YIPF4: variants seen among roughly 807,000 people sequenced by gnomAD.
YIPF4 encodes Yip1 domain family member 4.
In YIPF4, 18 loss-of-function variants were observed where a neutral mutation model predicts 29.4. The observed-to-expected ratio is 0.61, with a 90% CI of 0.42 to 0.91. The LOEUF (loss-of-function observed/expected upper bound fraction) is 0.91, where lower values mean the gene tolerates loss of function less well. YIPF4 is among the 40% of genes least tolerant of loss of function. YIPF4 has a pLI of 0.00. For synonymous variants in YIPF4, 115 were observed against 104.7 expected (o/e 1.10, Z -0.60); for missense variants, 279 against 282.7 (o/e 0.99, Z 0.09).
At chr2:32,299,764 T>C (rs1238018356) in intron 4 of YIPF4, among the ~76,000 whole-genome samples, 4 of 152,054 alleles carry the variant, frequency 2.6e-5, no homozygotes, top group Non-Finnish European at 5.9e-5. Context: ...GTGAGCTGTG[T>C]TCGTGCCACT....
chr2:32,298,450 A>G (rs890028843), intron 4 of YIPF4, 139 bp downstream of exon 4: 11 of 601,950 alleles, frequency 1.8e-5, no homozygotes, highest in Admixed American at 9.7e-5. Flanking sequence ...GATGATCAAC[A>G]TATTAGTATT....
intron 1 of YIPF4, among the ~76,000 whole-genome samples, chr2:32,280,719 T>G (rs2030369909): frequency 6.6e-6 from 1 of 152,076 alleles, no homozygotes; most frequent in South Asian, 2.1e-4. Flanking sequence ...CTAGGTTGCC[T>G]AGGCTTGTCT....
In YIPF4 at chr2:32,312,784, G is replaced by T. The variant is rs200261237; in HGVS notation, c.*7158G>T. The stretch of plus-strand genomic sequence containing the variant: ...GAGGCGGGTGGATCACGAGGTCAGG[G>T]GATCGAGACCATCCTGGCTAACACG... On this transcript the variant is annotated 3_prime_UTR_variant, in exon 6 of 6. Coordinates refer to ENST00000238831, the MANE Select transcript of YIPF4 (RefSeq NM_032312.4). 4 of 151,894 alleles carry T rather than the reference G, an allele frequency of 2.6e-5. No homozygotes were observed. The highest frequency in any genetic ancestry group is 9.7e-5 in the African/African-American group (4 of 41,394). The allele number at this position is 151,894 out of a possible 1,614,324, so 9.4% of individuals were successfully genotyped here.
intron 1 of YIPF4, among the ~76,000 whole-genome samples, chr2:32,278,978 C>CT (rs2030247083): frequency 6.8e-6 from 1 of 147,112 alleles, no homozygotes; most frequent in African/African-American, 2.6e-5. Context: ...TAGTCATTTT[C>CT]AATTTTTTTT....
chr2:32,285,216 G>A (rs1375382185), intron 1 of YIPF4, among the ~76,000 whole-genome samples: 1 of 152,136 alleles, frequency 6.6e-6, no homozygotes, highest in African/African-American at 2.4e-5. Context: ...TGCAAATAAA[G>A]CAAACTGTCA....
intron 1 of YIPF4, among the ~76,000 whole-genome samples, chr2:32,286,744 C>T (rs1260477439): frequency 6.6e-6 from 1 of 152,034 alleles, no homozygotes; most frequent in Non-Finnish European, 1.5e-5. Context: ...CAGGGTTTTA[C>T]CACGTTGGCC....
At chr2:32,299,540 G>A (rs1270059738) in intron 4 of YIPF4, among the ~76,000 whole-genome samples, 2 of 152,176 alleles carry the variant, frequency 1.3e-5, no homozygotes, top group Non-Finnish European at 2.9e-5. Flanking sequence ...AACTCAAGGG[G>A]GCTGGGCGCC....
chr2:32,283,652 C>G (rs1323061442), intron 1 of YIPF4, among the ~76,000 whole-genome samples: 5 of 152,106 alleles, frequency 3.3e-5, no homozygotes, highest in Non-Finnish European at 7.3e-5. Context: ...TATCATAGAA[C>G]CCATGGTATA....
In YIPF4 at chr2:32,316,560, A is replaced by C; in HGVS notation, c.*10934A>C. 1 of 152,224 alleles carries C rather than the reference A, an allele frequency of 6.6e-6. No individual in the cohort carries two copies. Among genetic ancestry groups the C allele is most frequent in the East Asian group, 1.9e-4 (1 of 5,200 alleles). The allele number at this position is 152,224 out of a possible 1,614,324, so 9.4% of individuals were successfully genotyped here. ...AATGGTAAATAGTATTATTGTAAGTACAACACTAAAATTAATAAATTGTGT... is the reference window on the plus strand; with the variant it reads ...AATGGTAAATAGTATTATTGTAAGTCCAACACTAAAATTAATAAATTGTGT... On this transcript the variant is annotated 3_prime_UTR_variant, in exon 6 of 6. Transcript: ENST00000238831.
chr2:32,279,539 AGGCGCCC>A (rs2148955953), intron 1 of YIPF4, among the ~76,000 whole-genome samples: 1 of 149,494 alleles, frequency 6.7e-6, no homozygotes, highest in South Asian at 2.1e-4. Context: ...CTGGGACTAC[AGGCGCCC>A]GCCACCACGC....
Position 32,301,424 on chromosome 2 carries a change from CT to C in YIPF4, c.528del (p.Pro177LeufsTer4). ...CCTTGGAGTTATAGGATATTCATTA[CT>C]TCCTCTCATTGTAATAGCCCCTGTA... is the stretch of plus-strand genomic sequence containing the variant. Reference protein sequence around the residue: ...QVLGVIGYSLLPLIVIAPVLL... With the variant: ...QVLGVIGYSLXPLIVIAPVLL... On this transcript the variant is annotated frameshift_variant, in exon 5 of 6. Coordinates refer to ENST00000238831, the MANE Select transcript of YIPF4 (RefSeq NM_032312.4). LOFTEE classifies it high-confidence loss of function. 6.2e-7 allele frequency: 1 copy of C among 1,613,774 alleles called. No individual in the cohort carries two copies. The highest frequency in any genetic ancestry group is 8.5e-7 in the Non-Finnish European group (1 of 1,179,836).
At chr2:32,293,325 A>G (rs567790904) in intron 3 of YIPF4, among the ~76,000 whole-genome samples, 3 of 152,288 alleles carry the variant, frequency 2.0e-5, no homozygotes, top group Admixed American at 6.5e-5. Context: ...GCATCTGTTT[A>G]ACAAAGCACA....
chr2:32,298,080 T>TA (rs2031262689), intron 3 of YIPF4, among the ~76,000 whole-genome samples, 154 bp from the exon 4 acceptor site: 1 of 152,186 alleles, frequency 6.6e-6, no homozygotes, highest in African/African-American at 2.4e-5. Flanking sequence ...GTATTCTTAT[T>TA]AAGTTTTGGA....
chr2:32,281,369 G>T (rs761653666), intron 1 of YIPF4, among the ~76,000 whole-genome samples: 6 of 152,054 alleles, frequency 3.9e-5, no homozygotes, highest in Middle Eastern at 3.4e-3. Context: ...AGCCTCCTGA[G>T]TAACTGGGAC....
At chr2:32,296,866 T>C (rs2031206934) in intron 3 of YIPF4, among the ~76,000 whole-genome samples, 1 of 152,234 alleles carries the variant, frequency 6.6e-6, no homozygotes, top group Non-Finnish European at 1.5e-5. Context: ...GCAGTAATTA[T>C]TACTATAATG....
chr2:32,311,295 C>A lies in YIPF4; in HGVS notation c.*5669C>A, dbSNP rs2031711048. 6.6e-6 allele frequency: 1 copy of A among 152,088 alleles called. No individual in the cohort carries two copies. The highest frequency in any genetic ancestry group is 1.5e-5 in the Non-Finnish European group (1 of 68,016). The allele number at this position is 152,088 out of a possible 1,614,324, so 9.4% of individuals were successfully genotyped here. Reference sequence around the variant, plus strand: ...TTAAAAAATGGTTAAGAGAATGTTCCCTATACAAGGCATATGTTATTAAAC... The same window carrying A: ...TTAAAAAATGGTTAAGAGAATGTTCACTATACAAGGCATATGTTATTAAAC... On this transcript the variant is annotated 3_prime_UTR_variant, in exon 6 of 6. Coordinates refer to ENST00000238831, the MANE Select transcript of YIPF4 (RefSeq NM_032312.4).
Position 32,312,542 on chromosome 2 carries a change from G to A in YIPF4, c.*6916G>A, listed in dbSNP as rs2148970631. On this transcript the variant is annotated 3_prime_UTR_variant, in exon 6 of 6. Coordinates refer to ENST00000238831, the MANE Select transcript of YIPF4 (RefSeq NM_032312.4). Reference sequence around the variant, plus strand: ...AAATTATTTTCAAAGGATTGTGCTAGTGGTGGCCTGAATAATAAAACATTG... The same window carrying A: ...AAATTATTTTCAAAGGATTGTGCTAATGGTGGCCTGAATAATAAAACATTG... 7.0e-6 allele frequency: 1 copy of A among 142,284 alleles called. No homozygotes were observed. Among genetic ancestry groups the A allele is most frequent in the South Asian group, 2.2e-4 (1 of 4,454 alleles). 8.8% of individuals were successfully genotyped at this position (142,284 alleles called of 1,614,324 possible). A position where few individuals can be genotyped will look rare whatever the true frequency, so the allele number is the denominator to read the frequency against.
Position 32,307,486 on chromosome 2 carries a change from TC to T in YIPF4, c.*1862del, listed in dbSNP as rs2031617291. ...ATAAGATAAAATGAGGTATTTTTGT[TC>T]CAAAAAGTATTTTAAAATAGCATTT... On this transcript the variant is annotated 3_prime_UTR_variant, in exon 6 of 6. Coordinates refer to ENST00000238831, the MANE Select transcript of YIPF4 (RefSeq NM_032312.4). The T allele has an allele frequency of 6.5e-6, 1 of 154,346 alleles. No individual in the cohort carries two copies. Among genetic ancestry groups the T allele is most frequent in the Admixed American group, 6.5e-5 (1 of 15,324 alleles). The allele number at this position is 154,346 out of a possible 1,614,324, so 9.6% of individuals were successfully genotyped here.
At chr2:32,296,698 A>T (rs748831178) in intron 3 of YIPF4, among the ~76,000 whole-genome samples, 17 of 152,170 alleles carry the variant, frequency 1.1e-4, no homozygotes, top group Non-Finnish European at 1.9e-4. Flanking sequence ...TGGTTAGGTG[A>T]TAGGGTAGTA....
Sources: allele counts gnomAD v4.1 joint callset (sites outside exome capture counted in the v4.1 genomes callset), GRCh38; gene constraint gnomAD v4.1.1; transcripts MANE v1.5; gene names NCBI Gene and HGNC (gene_info 2026-07-23, HGNC 2026-07-21).